UNC5D: variants seen among roughly 807,000 people sequenced by gnomAD.
UNC5D encodes netrin receptor UNC5D.
In UNC5D, 39 loss-of-function variants were observed where a neutral mutation model predicts 105.4. That is an observed-to-expected ratio of 0.37 (90% CI 0.29 to 0.48). The LOEUF is 0.48. Ranked by LOEUF, UNC5D falls within the 20% of genes least tolerant of loss-of-function variation. UNC5D has a pLI of 0.98. For missense variants in UNC5D, 991 were observed against 1,202.4 expected, an observed-to-expected ratio of 0.82 and a Z score of 2.60; for synonymous variants, 452 against 450.4, an observed-to-expected ratio of 1.00 and a Z score of -0.04.
chr8:35,748,353 T>C (rs1830103357), intron 11 of UNC5D, among the ~76,000 whole-genome samples, 174 bp from the exon 12 acceptor site: 2 of 152,210 alleles, frequency 1.3e-5, no homozygotes, highest in Non-Finnish European at 2.9e-5. Flanking sequence ...CTTCCGTGTG[T>C]CTGAGAACTT....
At chr8:35,402,447 A>G (rs1203257473) in intron 1 of UNC5D, among the ~76,000 whole-genome samples, 1 of 152,002 alleles carries the variant, frequency 6.6e-6, no homozygotes, top group Non-Finnish European at 1.5e-5. Flanking sequence ...GGAAAACTGC[A>G]CCTGTGATTG....
At chr8:35,521,648 T>C (rs1390695451) in intron 1 of UNC5D, among the ~76,000 whole-genome samples, 1 of 152,228 alleles carries the variant, frequency 6.6e-6, no homozygotes, top group East Asian at 1.9e-4. Context: ...TAGTTGATCC[T>C]AATGCTGTAA....
intron 1 of UNC5D, among the ~76,000 whole-genome samples, chr8:35,404,985 A>G (rs1720195681): frequency 1.3e-5 from 2 of 152,216 alleles, no homozygotes; most frequent in South Asian, 4.1e-4. Context: ...ATACTTCAAT[A>G]TTCTATTCTT....
At chr8:35,541,363 A>G (rs909899562) in intron 1 of UNC5D, among the ~76,000 whole-genome samples, 1 of 152,188 alleles carries the variant, frequency 6.6e-6, no homozygotes, top group African/African-American at 2.4e-5. Flanking sequence ...ACAGACCCAC[A>G]TAAGACCAAT....
At chr8:35,569,850 A>G (rs943926880) in intron 3 of UNC5D, among the ~76,000 whole-genome samples, 2 of 152,142 alleles carry the variant, frequency 1.3e-5, no homozygotes, top group East Asian at 1.9e-4. Flanking sequence ...GGGGATTTCA[A>G]TATAGACCCC....
In UNC5D at chr8:35,235,761, G is replaced by A. The variant is rs1263378898; in HGVS notation, c.-24G>A. ...GGCTCCCGGAGCGTGAAGAAGAGCCGCCCTCCGGAACGCGGCGAGGAGCAT... is the reference window on the plus strand; with the variant it reads ...GGCTCCCGGAGCGTGAAGAAGAGCCACCCTCCGGAACGCGGCGAGGAGCAT... On this transcript the variant is annotated 5_prime_UTR_variant, in exon 1 of 17. Coordinates refer to ENST00000404895, the MANE Select transcript of UNC5D (RefSeq NM_080872.4). 2.7e-5 allele frequency: 33 copies of A among 1,228,802 alleles called. No individual in the cohort carries two copies. Among genetic ancestry groups the A allele is most frequent in the Non-Finnish European group, 3.1e-5 (31 of 985,042 alleles). 76.1% of individuals were successfully genotyped at this position (1,228,802 alleles called of 1,614,324 possible). A position where few individuals can be genotyped will look rare whatever the true frequency, so the allele number is the denominator to read the frequency against.
At position 35,359,608 on chromosome 8, in the gene UNC5D, A is replaced by G. The variant is rs76377657; in HGVS notation, c.103+123721A>G. Among the ~76,000 whole-genome samples the G allele has an allele frequency of 9.5e-3, 1,447 of 152,318 alleles. 9 individuals are homozygous for G. Among genetic ancestry groups the G allele is most frequent in the Non-Finnish European group, 0.015 (1,054 of 68,032 alleles). On this transcript the variant is annotated intron_variant, in intron 1 of 16. Coordinates refer to ENST00000404895, the MANE Select transcript of UNC5D (RefSeq NM_080872.4). ...TGGATTACTTAGTTTTGCAAAATAT[A>G]GTGAAATAAGGTTTCTCCTTTCTTT...
chr8:35,744,978 A>G (rs1050895162), intron 11 of UNC5D, among the ~76,000 whole-genome samples: 20 of 151,930 alleles, frequency 1.3e-4, no homozygotes, highest in African/African-American at 4.6e-4. Context: ...GCTTGAACCT[A>G]GGAGACGGAG....
At chr8:35,684,331 G>GT (rs1349947828) in intron 5 of UNC5D, among the ~76,000 whole-genome samples, 1 of 152,148 alleles carries the variant, frequency 6.6e-6, no homozygotes, top group Non-Finnish European at 1.5e-5. Flanking sequence ...TTATTGATGA[G>GT]TTCTTTCTAT....
At position 35,630,767 on chromosome 8, in the gene UNC5D, A is replaced by G. The variant is rs148078336; in HGVS notation, c.570+35110A>G. ...AACTGGTTACAATGCTACCAAAGTTATTAATTCAGAGCCAGAATAATGTAC... is the reference window on the plus strand; with the variant it reads ...AACTGGTTACAATGCTACCAAAGTTGTTAATTCAGAGCCAGAATAATGTAC... On this transcript the variant is annotated intron_variant, in intron 4 of 16. Transcript: ENST00000404895. Among the ~76,000 whole-genome samples the G allele has an allele frequency of 1.3e-3, 197 of 152,334 alleles. 1 individual carries two copies. Among genetic ancestry groups the G allele is most frequent in the African/African-American group, 4.5e-3 (186 of 41,580 alleles).
chr8:35,562,090 T>C (rs554850381), intron 2 of UNC5D, among the ~76,000 whole-genome samples: 1 of 152,298 alleles, frequency 6.6e-6, no homozygotes, highest in Non-Finnish European at 1.5e-5. Flanking sequence ...AGATCCACTT[T>C]TTCAGTTCCC....
chr8:35,731,099 G>A lies in UNC5D; in HGVS notation c.1766+3G>A. Reference sequence around the variant, plus strand: ...TCCATCAACCAAGGTGAACCCAGGTGAGAGACAGAGAATAGCATATTAAAG... The same window carrying A: ...TCCATCAACCAAGGTGAACCCAGGTAAGAGACAGAGAATAGCATATTAAAG... On this transcript the variant is annotated splice_donor_region_variant and intron_variant, in intron 11 of 16. Coordinates refer to ENST00000404895, the MANE Select transcript of UNC5D (RefSeq NM_080872.4). 1 of 1,613,568 alleles carries A rather than the reference G, an allele frequency of 6.2e-7. No homozygotes were observed. The highest frequency in any genetic ancestry group is 8.5e-7 in the Non-Finnish European group (1 of 1,179,610).
chr8:35,668,280 G>A (rs760268432), intron 4 of UNC5D, among the ~76,000 whole-genome samples: 92 of 152,006 alleles, frequency 6.1e-4, no homozygotes, highest in Non-Finnish European at 1.0e-3. Context: ...ATTTTTGGGT[G>A]CTTTTTATAT....
chr8:35,507,220 T>A (rs934919999), intron 1 of UNC5D, among the ~76,000 whole-genome samples: 59 of 149,364 alleles, frequency 4.0e-4, no homozygotes, highest in African/African-American at 1.5e-3. Context: ...TACGCCCGGC[T>A]AAATTTTTGT....
At chr8:35,666,828 A>T (rs1464671703) in intron 4 of UNC5D, among the ~76,000 whole-genome samples, 1 of 152,180 alleles carries the variant, frequency 6.6e-6, no homozygotes, top group Non-Finnish European at 1.5e-5. Flanking sequence ...ATGTAAAGGC[A>T]ATGTAATTTC....
intron 7 of UNC5D, among the ~76,000 whole-genome samples, chr8:35,704,496 C>T (rs1048984780): frequency 6.6e-6 from 1 of 152,116 alleles, no homozygotes; most frequent in African/African-American, 2.4e-5. Flanking sequence ...AAACATAATC[C>T]AAAATGACAG....
At position 35,314,566 on chromosome 8, in the gene UNC5D, T is replaced by A. The variant is rs563287163; in HGVS notation, c.103+78679T>A. Among the ~76,000 whole-genome samples the A allele has an allele frequency of 1.9e-4, 9 of 48,066 alleles. No individual in the cohort carries two copies. In the East Asian group the frequency reaches 0.24, roughly 1,265 times the overall value. 31.5% of individuals were successfully genotyped at this position (48,066 alleles called of 152,430 possible). ...ACAACTGAATAAAATGTAATAGGAA[T>A]ATATGTAAAATCATCTAATTTATTT... On this transcript the variant is annotated intron_variant, in intron 1 of 16. Transcript: ENST00000404895.
intron 11 of UNC5D, among the ~76,000 whole-genome samples, chr8:35,736,656 C>T (rs1165319671): frequency 1.3e-5 from 2 of 152,126 alleles, no homozygotes; most frequent in African/African-American, 2.4e-5. Context: ...GGATGAACCC[C>T]GTTTAAAGGC....
intron 1 of UNC5D, among the ~76,000 whole-genome samples, chr8:35,261,802 C>T (rs1804518251): frequency 6.6e-6 from 1 of 151,972 alleles, no homozygotes; most frequent in Non-Finnish European, 1.5e-5. Flanking sequence ...TAACAGGGAC[C>T]ATTTAGAGGT....
Sources: gnomAD v4.1 joint callset for allele counts (sites outside exome capture counted in the v4.1 genomes callset) on GRCh38, gnomAD v4.1.1 for gene constraint, MANE v1.5 for transcripts, NCBI Gene and HGNC (gene_info 2026-07-23, HGNC 2026-07-21) for gene names.